The following SPECC1 variants were observed in gnomAD, a reference collection of about 807,000 sequenced individuals.
The protein encoded by SPECC1 is sperm antigen with calponin homology and coiled-coil domains 1, also known as cytospin-B.
Under a neutral mutation model 104.1 loss-of-function variants are expected in SPECC1, and 62 were observed. The ratio of observed to expected loss-of-function variants is 0.60; its 90% CI spans 0.49 to 0.74. The LOEUF is 0.74. Among genes scored for constraint, SPECC1 ranks in the 30% least tolerant of loss-of-function variants. The pLI, the probability that SPECC1 is intolerant of heterozygous loss-of-function variation, is 0.00. For synonymous variants in SPECC1, 513 were observed against 501.6 expected (o/e 1.02, Z -0.30); for missense variants, 1,306 against 1,310.5 (o/e 1.00, Z 0.05).
intron 4 of SPECC1, among the ~76,000 whole-genome samples, chr17:20,221,222 T>C (rs968423474): frequency 6.6e-6 from 1 of 152,226 alleles, no homozygotes; most frequent in African/African-American, 2.4e-5. Context: ...TTTCTTGGAA[T>C]AGTTTGAATA....
At position 20,205,013 on chromosome 17, in the gene SPECC1, G is replaced by A; in HGVS notation, c.964G>A (p.Ala322Thr). ...CTCCTCAAGTAGCGATGTTACCAAA[G>A]CTTCTTTGTCGCCAGATGCTTCCGA... ...SGSSSSDVTK[A>T]SLSPDASDFE... The change falls in exon 4 of 15, where the codon GCT (alanine) becomes ACT (threonine). Residue 322 changes from alanine (A) to threonine (T), a missense_variant. Around this residue, in one of 2 missense-constraint regions of SPECC1, gnomAD observed 1,177 missense variants for 1,139.9 expected, o/e 1.03. Transcript: ENST00000395527. The A allele has an allele frequency of 6.2e-7, 1 of 1,614,140 alleles. No homozygotes were observed. The highest frequency in any genetic ancestry group is 1.1e-5 in the South Asian group (1 of 91,066).
chr17:20,296,365 G>A (rs1247738749), intron 12 of SPECC1, among the ~76,000 whole-genome samples: 2 of 152,190 alleles, frequency 1.3e-5, no homozygotes, highest in Non-Finnish European at 2.9e-5. Flanking sequence ...GCTCTATGCT[G>A]TTCCATTGGT....
At chr17:20,264,366 G>A (rs1214536625) in intron 12 of SPECC1, among the ~76,000 whole-genome samples, 1 of 151,138 alleles carries the variant, frequency 6.6e-6, no homozygotes, top group Non-Finnish European at 1.5e-5. Flanking sequence ...TCTGTAGGTA[G>A]GTTTTCAACT....
At chr17:20,298,330 CAAAA>C (rs983256288) in intron 13 of SPECC1, among the ~76,000 whole-genome samples, 14 of 139,666 alleles carry the variant, frequency 1.0e-4, no homozygotes, top group African/African-American at 3.2e-4. Context: ...CAAGACTCCT[CAAAA>C]AAAAAAAGAA....
At chr17:20,050,164 G>A (rs2045686798) in intron 1 of SPECC1, among the ~76,000 whole-genome samples, 1 of 152,124 alleles carries the variant, frequency 6.6e-6, no homozygotes, top group Admixed American at 6.6e-5. Context: ...CATGGCACAT[G>A]TATACCTATG....
intron 7 of SPECC1, chr17:20,237,364 G>C (rs1010616825): frequency 3.1e-5 from 27 of 870,464 alleles, no homozygotes; most frequent in Admixed American, 5.2e-5. Flanking sequence ...GCCCAGGCTG[G>C]AGTGCAATGG....
intron 1 of SPECC1, among the ~76,000 whole-genome samples, chr17:20,052,362 C>T (rs948394239): frequency 6.6e-6 from 1 of 152,198 alleles, no homozygotes; most frequent in African/African-American, 2.4e-5. Context: ...AAAGGAACTA[C>T]ATTTGTATTG....
chr17:20,178,271 T>A (rs2034614591), intron 3 of SPECC1, among the ~76,000 whole-genome samples: 1 of 152,150 alleles, frequency 6.6e-6, no homozygotes, highest in Non-Finnish European at 1.5e-5. Flanking sequence ...TCTCCTCTGT[T>A]TATTCTCTTG....
At chr17:20,025,932 T>A (rs2044582576) in intron 1 of SPECC1, among the ~76,000 whole-genome samples, 2 of 152,136 alleles carry the variant, frequency 1.3e-5, no homozygotes, top group Non-Finnish European at 2.9e-5. Flanking sequence ...CATTCTACAT[T>A]GTGGTTTTGA....
At chr17:20,263,385 G>A (rs1473702842) in intron 12 of SPECC1, among the ~76,000 whole-genome samples, 2 of 144,574 alleles carry the variant, frequency 1.4e-5, no homozygotes, top group Non-Finnish European at 3.0e-5. Context: ...GGGGGGAGGG[G>A]GGAAGGATAG....
At chr17:20,221,522 T>C (rs2037873684) in intron 4 of SPECC1, among the ~76,000 whole-genome samples, 1 of 152,060 alleles carries the variant, frequency 6.6e-6, no homozygotes, top group Non-Finnish European at 1.5e-5. Flanking sequence ...TTTTTTATCT[T>C]TGATTTTATT....
intron 1 of SPECC1, among the ~76,000 whole-genome samples, chr17:20,042,667 A>T (rs896220128): frequency 1.4e-4 from 21 of 152,254 alleles, no homozygotes; most frequent in African/African-American, 4.6e-4. Context: ...TACTGTCTAA[A>T]TGTGTTCCAT....
At chr17:20,236,934 G>T in intron 7 of SPECC1, 2 of 1,612,800 alleles carry the variant, frequency 1.2e-6, no homozygotes, top group Non-Finnish European at 1.7e-6. Context: ...ATTGGGAGCC[G>T]CAGCCATCTC....
chr17:20,014,964 T>G (rs984818793), intron 1 of SPECC1, among the ~76,000 whole-genome samples: 1 of 152,154 alleles, frequency 6.6e-6, no homozygotes, highest in African/African-American at 2.4e-5. Flanking sequence ...CATGTTGGCC[T>G]GACTGATCTC....
chr17:20,187,352 C>T (rs2035351220), intron 3 of SPECC1, among the ~76,000 whole-genome samples: 1 of 152,172 alleles, frequency 6.6e-6, no homozygotes, highest in Non-Finnish European at 1.5e-5. Flanking sequence ...CAGCATATCA[C>T]CCTGGTCTCA....
At chr17:20,167,765 T>C (rs1283835251) in intron 3 of SPECC1, among the ~76,000 whole-genome samples, 1 of 152,232 alleles carries the variant, frequency 6.6e-6, no homozygotes, top group Non-Finnish European at 1.5e-5. Context: ...AAAAATGTAA[T>C]TTCTGTGCTA....
rs1187599354 is a variant in SPECC1 at position 20,231,808 on chromosome 17, A to T, written c.2122A>T (p.Lys708Ter). The T allele has an allele frequency of 1.2e-6, 2 of 1,614,080 alleles. No individual in the cohort carries two copies. The highest frequency in any genetic ancestry group is 1.7e-6 in the Non-Finnish European group (2 of 1,180,012). Residue 708 changes from lysine (K) to a stop codon, truncating the protein, a stop_gained, in exon 6 of 15, where the codon AAG (lysine) becomes TAG (stop). Transcript: ENST00000395527. LOFTEE classifies it high-confidence loss of function. ...GAAGTCAGACCTGGAGAGGCAGCTG[A>T]AGACTCTGACCAAGCAGATGAAGGT... The part of the protein sequence containing the change: ...EQKSDLERQL[K>*]TLTKQMKEET...
In SPECC1 at chr17:20,258,092, T is replaced by C. The variant is rs557102993; in HGVS notation, c.2837+485T>C. 1.7e-4 allele frequency among the ~76,000 whole-genome samples: 26 copies of C among 152,316 alleles called. No individual in the cohort carries two copies. In the South Asian group the frequency reaches 5.4e-3, roughly 32 times the overall value. ...CATCTGGAGGGCATATTGTAAGTAGTCTTCATTGCTAAGGAAGAGGTTTGT... is the reference window on the plus strand; with the variant it reads ...CATCTGGAGGGCATATTGTAAGTAGCCTTCATTGCTAAGGAAGAGGTTTGT... On this transcript the variant is annotated intron_variant, in intron 11 of 14. Coordinates refer to ENST00000395527, the MANE Select transcript of SPECC1 (RefSeq NM_001243439.2).
At position 20,205,722 on chromosome 17, in the gene SPECC1, T is replaced by A. The variant is rs759231654; in HGVS notation, c.1673T>A (p.Leu558Ter). The A allele has an allele frequency of 1.2e-6, 2 of 1,614,210 alleles. No individual in the cohort carries two copies. Among genetic ancestry groups the A allele is most frequent in the South Asian group, 2.2e-5 (2 of 91,082 alleles). ...KMENGSLKSH[L>*]QGEKQKATEA... is the part of the protein sequence containing the mutation. Reference sequence around the variant, plus strand: ...GAGAATGGATCTTTGAAGTCTCATTTGCAGGGTGAGAAGCAGAAAGCCACA... The same window carrying A: ...GAGAATGGATCTTTGAAGTCTCATTAGCAGGGTGAGAAGCAGAAAGCCACA... The change falls in exon 4 of 15, where the codon TTG becomes TAG. Residue 558 changes from leucine to a stop codon, truncating the protein, a stop_gained. Transcript: ENST00000395527. LOFTEE classifies it high-confidence loss of function.
Sources: allele counts gnomAD v4.1 joint callset (sites outside exome capture counted in the v4.1 genomes callset), GRCh38; gene constraint gnomAD v4.1.1; regional missense constraint gnomAD v4.1.1; transcripts MANE v1.5; gene names NCBI Gene and HGNC (gene_info 2026-07-23, HGNC 2026-07-21).